Variants in TRIP12 observed in about 807,000 individuals in gnomAD.
The protein encoded by TRIP12 is E3 ubiquitin-protein ligase TRIP12.
A neutral mutation model predicts 244.2 loss-of-function variants in TRIP12; 25 were observed. That is an observed-to-expected ratio of 0.10 (90% confidence interval 0.07 to 0.14). The LOEUF is 0.14. Ranked by LOEUF, TRIP12 falls within the 10% of genes least tolerant of loss-of-function variation. The pLI is 1.00. For missense variants in TRIP12, 1,677 were observed against 2,486.4 expected (o/e 0.67, Z 6.92); for synonymous variants, 905 against 873.1 (o/e 1.04, Z -0.64).
At chr2:229,902,255 T>C in intron 1 of TRIP12, among the ~76,000 whole-genome samples, 1 of 151,890 alleles carries the variant, frequency 6.6e-6, no homozygotes, top group Non-Finnish European at 1.5e-5. Flanking sequence ...ATAGTGGTCG[T>C]GCCTACAGTC....
chr2:229,839,896 T>C (rs2055945830), intron 5 of TRIP12, among the ~76,000 whole-genome samples: 1 of 152,172 alleles, frequency 6.6e-6, no homozygotes, highest in Non-Finnish European at 1.5e-5. Flanking sequence ...GATAGTTGTT[T>C]TGAAAGTGAG....
At position 229,792,171 on chromosome 2, in the gene TRIP12, C is replaced by G. The variant is rs889305820; in HGVS notation, c.4197G>C (p.Glu1399Asp). ...ACCTTACCAGAGACTCATCTATTTC[C>G]TCATCTGATCCATCGTCATCGCTGT... ...DEDSDDDGSDEEIDESLAAQF... is the reference protein window; with the variant it reads ...DEDSDDDGSDDEIDESLAAQF... The change falls in exon 28 of 42, where the codon GAG becomes GAC. Residue 1399 changes from glutamate (E) to aspartate (D), a missense_variant. Around this residue, in one of 11 missense-constraint regions of TRIP12, gnomAD observed 265 missense variants for 370.8 expected, o/e 0.71. Coordinates refer to ENST00000675903, the MANE Select transcript of TRIP12 (RefSeq NM_001348323.3). 6.2e-7 allele frequency: 1 copy of G among 1,613,836 alleles called. No homozygotes were observed. Among genetic ancestry groups the G allele is most frequent in the African/African-American group, 1.3e-5 (1 of 74,882 alleles).
rs556855673 is a variant in TRIP12 at position 229,864,671 on chromosome 2, A to G, written c.99-4140T>C. Among the ~76,000 whole-genome samples, 5 of 152,202 alleles carry G rather than the reference A, an allele frequency of 3.3e-5. No individual in the cohort carries two copies. The South Asian group carries it at 1.0e-3, about 32-fold the overall frequency. On this transcript the variant is annotated intron_variant, in intron 2 of 41. Transcript: ENST00000675903. ...TTTATACATTAGCACTGTGGGAAAA[A>G]CTGCTTATGAACCAACACTACTTCC... is the stretch of plus-strand genomic sequence containing the variant.
At chr2:229,781,716 T>C (rs1301374042) in intron 34 of TRIP12, among the ~76,000 whole-genome samples, 1 of 152,226 alleles carries the variant, frequency 6.6e-6, no homozygotes, top group Non-Finnish European at 1.5e-5. Context: ...ACATTTTCAC[T>C]GGGATTCTTC....
chr2:229,797,609 A>C, intron 24 of TRIP12, 81 bp downstream of exon 24: 2 of 1,539,488 alleles, frequency 1.3e-6, no homozygotes, highest in Non-Finnish European at 1.8e-6. Context: ...ATAGGAAGCT[A>C]GAGAGTCATG....
At chr2:229,852,580 A>C (rs2058921691) in intron 4 of TRIP12, among the ~76,000 whole-genome samples, 1 of 152,168 alleles carries the variant, frequency 6.6e-6, no homozygotes, top group Admixed American at 6.5e-5. Flanking sequence ...ATAACTTCCT[A>C]ATGTACATTA....
At chr2:229,876,367 G>C (rs1052666723) in intron 2 of TRIP12, among the ~76,000 whole-genome samples, 4 of 152,136 alleles carry the variant, frequency 2.6e-5, no homozygotes, top group African/African-American at 9.7e-5. Context: ...ATGAGCAAAA[G>C]AATCAAGCCA....
upstream of TRIP12, chr2:229,922,681 T>C: frequency 2.6e-6 from 4 of 1,515,216 alleles, no homozygotes; most frequent in South Asian, 4.6e-5. Flanking sequence ...GGACGCAGGC[T>C]GTGCTAGGCC....
intron 1 of TRIP12, among the ~76,000 whole-genome samples, chr2:229,901,091 G>A (rs941573335): frequency 2.0e-5 from 3 of 150,912 alleles, no homozygotes; most frequent in Admixed American, 2.0e-4. Context: ...GTGCCACAAC[G>A]CCTGGCTAAT....
intron 1 of TRIP12, among the ~76,000 whole-genome samples, chr2:229,887,544 T>C (rs2066308606): frequency 6.6e-6 from 1 of 152,102 alleles, no homozygotes; most frequent in Non-Finnish European, 1.5e-5. Flanking sequence ...TGAGGATCTG[T>C]TAACAATGGA....
intron 6 of TRIP12, among the ~76,000 whole-genome samples, chr2:229,836,309 T>C (rs1194484316): frequency 6.6e-6 from 1 of 152,216 alleles, no homozygotes; most frequent in Non-Finnish European, 1.5e-5. Context: ...TCAGCCAGAA[T>C]TAATAGTTGA....
At chr2:229,912,470 C>G (rs1224829802) in intron 1 of TRIP12, among the ~76,000 whole-genome samples, 2 of 152,126 alleles carry the variant, frequency 1.3e-5, no homozygotes, top group Non-Finnish European at 2.9e-5. Context: ...CCTGTTATTT[C>G]ATATATATGG....
At position 229,787,490 on chromosome 2, in the gene TRIP12, T is replaced by C; in HGVS notation, c.4995+15A>G. ...AAAAGCTCAGATTATTTAAAGATTT[T>C]GGGGAGAAACTTACTTTTTTTCTAT... On this transcript the variant is annotated intron_variant, in intron 33 of 41. Transcript: ENST00000675903. 2 of 1,592,632 alleles carry C rather than the reference T, an allele frequency of 1.3e-6. No individual in the cohort carries two copies. The highest frequency in any genetic ancestry group is 2.2e-5 in the East Asian group (1 of 44,706).
At chr2:229,916,563 G>C (rs72991289) in intron 1 of TRIP12, among the ~76,000 whole-genome samples, 1 of 152,148 alleles carries the variant, frequency 6.6e-6, no homozygotes, top group East Asian at 1.9e-4. Flanking sequence ...CTCAACAAAC[G>C]AACAAGCATA....
intron 4 of TRIP12, among the ~76,000 whole-genome samples, chr2:229,844,769 T>G (rs1215960184): frequency 1.3e-5 from 2 of 152,252 alleles, no homozygotes. Flanking sequence ...ACTCAAATAA[T>G]TACTGTTATC....
intron 1 of TRIP12, among the ~76,000 whole-genome samples, chr2:229,919,743 A>T (rs1346237487): frequency 6.6e-6 from 1 of 152,216 alleles, no homozygotes; most frequent in Non-Finnish European, 1.5e-5. Flanking sequence ...GATAATCTTA[A>T]TTACAGTTTT....
intron 1 of TRIP12, among the ~76,000 whole-genome samples, chr2:229,901,989 A>G (rs2071034686): frequency 6.6e-6 from 1 of 152,186 alleles, no homozygotes; most frequent in Non-Finnish European, 1.5e-5. Flanking sequence ...AAAGCCAGTT[A>G]TTTCTTTCAA....
rs75359470 is a variant in TRIP12 at position 229,832,862 on chromosome 2, T to C, written c.1271-2023A>G. 8.8e-3 allele frequency among the ~76,000 whole-genome samples: 1,343 copies of C among 152,354 alleles called. 15 individuals are homozygous for C. The highest frequency in any genetic ancestry group is 0.03 in the African/African-American group (1,264 of 41,586). ...TAACGAATACTGTTACTAGGTACAATAATAACTGAAATGGCTCTTAAACTT... is the reference window on the plus strand; with the variant it reads ...TAACGAATACTGTTACTAGGTACAACAATAACTGAAATGGCTCTTAAACTT... On this transcript the variant is annotated intron_variant, in intron 6 of 41. Coordinates refer to ENST00000675903, the MANE Select transcript of TRIP12 (RefSeq NM_001348323.3).
intron 29 of TRIP12, 86 bp downstream of exon 29, chr2:229,791,780 C>T (rs1349143899): frequency 2.1e-6 from 3 of 1,428,750 alleles, no homozygotes; most frequent in Non-Finnish European, 1.9e-6. Flanking sequence ...CTTATGAAAG[C>T]CAGCCATTAA....
Sources: allele counts gnomAD v4.1 joint callset (sites outside exome capture counted in the v4.1 genomes callset), GRCh38; gene constraint gnomAD v4.1.1; regional missense constraint gnomAD v4.1.1; transcripts MANE v1.5; gene names NCBI Gene and HGNC (gene_info 2026-07-23, HGNC 2026-07-21).